Variants in COL23A1 observed in about 807,000 individuals in gnomAD.
COL23A1 encodes collagen alpha-1(XXIII) chain.
COL23A1 carries 97 observed loss-of-function variants against 99.3 expected under a neutral mutation model. The observed-to-expected ratio is 0.98, with a 90% CI of 0.83 to 1.16. The LOEUF is 1.16. Among genes scored for constraint, COL23A1 ranks in the 50% most tolerant of loss-of-function variants. The pLI, the probability that COL23A1 is intolerant of heterozygous loss-of-function variation, is 0.00. For synonymous variants in COL23A1, 320 were observed against 308.2 expected (o/e 1.04, Z -0.40); for missense variants, 762 against 757.4 (o/e 1.01, Z -0.07).
intron 2 of COL23A1, among the ~76,000 whole-genome samples, chr5:178,450,591 C>G (rs2127864146): frequency 6.6e-6 from 1 of 152,342 alleles, no homozygotes; most frequent in African/African-American, 2.4e-5. Flanking sequence ...ACAGATCTAT[C>G]TTGCTTCACT....
At chr5:178,397,261 G>A (rs570144553) in intron 2 of COL23A1, among the ~76,000 whole-genome samples, 188 of 152,336 alleles carry the variant, frequency 1.2e-3, no homozygotes, top group African/African-American at 4.4e-3. Context: ...GCAGAGCTGA[G>A]GGGGAGACAA....
chr5:178,455,579 G>C (rs887127707), intron 2 of COL23A1, among the ~76,000 whole-genome samples: 2 of 152,222 alleles, frequency 1.3e-5, no homozygotes, highest in Non-Finnish European at 2.9e-5. Context: ...GACCAAGCGA[G>C]AATCACGGGA....
At chr5:178,301,582 T>C (rs1279816578) in intron 3 of COL23A1, among the ~76,000 whole-genome samples, 1 of 152,234 alleles carries the variant, frequency 6.6e-6, no homozygotes, top group African/African-American at 2.4e-5. Flanking sequence ...CAGGATTTGT[T>C]GTTGTTGCTG....
At chr5:178,435,128 A>G (rs930727595) in intron 2 of COL23A1, among the ~76,000 whole-genome samples, 1 of 152,210 alleles carries the variant, frequency 6.6e-6, no homozygotes, top group African/African-American at 2.4e-5. Flanking sequence ...TTGGGGTCAC[A>G]GTGAAATTTC....
At chr5:178,346,213 TATTA>T (rs1210382541) in intron 2 of COL23A1, among the ~76,000 whole-genome samples, 1 of 152,092 alleles carries the variant, frequency 6.6e-6, no homozygotes, top group Admixed American at 6.5e-5. Flanking sequence ...TTTATTTATT[TATTA>T]TTTATTTATT....
In COL23A1 at chr5:178,498,235, T is replaced by TA. The variant is rs1562025562; in HGVS notation, c.361+62446dup. Among the ~76,000 whole-genome samples the TA allele has an allele frequency of 3.0e-4, 16 of 54,168 alleles. No homozygotes were observed. In the South Asian group the frequency reaches 0.011, roughly 38 times the overall value. 35.5% of individuals were successfully genotyped at this position (54,168 alleles called of 152,430 possible). The stretch of plus-strand genomic sequence containing the variant: ...ATATATATATATATATATATATATA[T>TA]ATATATATATATATATATATATAAA... On this transcript the variant is annotated intron_variant, in intron 2 of 28. Coordinates refer to ENST00000390654, the MANE Select transcript of COL23A1 (RefSeq NM_173465.4).
chr5:178,546,748 T>G (rs1019865651), intron 2 of COL23A1, among the ~76,000 whole-genome samples: 3 of 152,230 alleles, frequency 2.0e-5, no homozygotes, highest in African/African-American at 7.2e-5. Flanking sequence ...GGGCAGCTAT[T>G]TCTGTCCGTG....
At chr5:178,345,995 T>C (rs1760947672) in intron 2 of COL23A1, among the ~76,000 whole-genome samples, 1 of 152,156 alleles carries the variant, frequency 6.6e-6, no homozygotes, top group African/African-American at 2.4e-5. Flanking sequence ...AGGACTCATA[T>C]CTAAGATAGA....
chr5:178,531,377 C>T (rs2113209703), intron 2 of COL23A1, among the ~76,000 whole-genome samples: 1 of 152,318 alleles, frequency 6.6e-6, no homozygotes. Flanking sequence ...CTAGTGCTCT[C>T]CGCATGACCT....
intron 2 of COL23A1, among the ~76,000 whole-genome samples, chr5:178,373,979 G>A (rs1401128097): frequency 3.3e-5 from 5 of 152,240 alleles, no homozygotes; most frequent in African/African-American, 9.6e-5. Flanking sequence ...CAGCACCGGC[G>A]CCCGCACCCT....
intron 2 of COL23A1, among the ~76,000 whole-genome samples, chr5:178,519,825 A>G (rs2672830): frequency 0.88 from 134,397 of 152,266 alleles, 59,428 homozygotes; most frequent in East Asian, 0.95. Context: ...ATAGATGGAC[A>G]GATAGATGGA....
At chr5:178,448,825 C>A (rs1454932787) in intron 2 of COL23A1, among the ~76,000 whole-genome samples, 1 of 152,022 alleles carries the variant, frequency 6.6e-6, no homozygotes, top group African/African-American at 2.4e-5. Context: ...TAAACCTCAC[C>A]CCACGAGGAT....
intron 2 of COL23A1, among the ~76,000 whole-genome samples, chr5:178,370,694 C>G (rs1762752988): frequency 6.6e-6 from 1 of 152,110 alleles, no homozygotes; most frequent in East Asian, 1.9e-4. Flanking sequence ...CCCTATCTCT[C>G]TTGAAAAATA....
At chr5:178,332,704 G>A (rs1561869967) in intron 2 of COL23A1, among the ~76,000 whole-genome samples, 1 of 151,978 alleles carries the variant, frequency 6.6e-6, no homozygotes, top group Admixed American at 6.6e-5. Flanking sequence ...GTGGTTCCAA[G>A]TCACCTTTAT....
chr5:178,315,640 G>T (rs1338100601), intron 2 of COL23A1, among the ~76,000 whole-genome samples: 2 of 152,164 alleles, frequency 1.3e-5, no homozygotes, highest in Non-Finnish European at 2.9e-5. Flanking sequence ...GGCACGGGAA[G>T]GGGACAAGGG....
intron 1 of COL23A1, among the ~76,000 whole-genome samples, chr5:178,584,307 G>GCC (rs1009602678): frequency 9.0e-5 from 8 of 88,680 alleles, no homozygotes; most frequent in African/African-American, 4.1e-4. Context: ...ACTGCACCTG[G>GCC]CCACACACAC....
chr5:178,397,544 A>T (rs1764217789), intron 2 of COL23A1, among the ~76,000 whole-genome samples: 1 of 152,236 alleles, frequency 6.6e-6, no homozygotes, highest in Non-Finnish European at 1.5e-5. Context: ...GTTCACGGGC[A>T]TCCGCCCCCA....
chr5:178,409,547 T>C (rs946764515), intron 2 of COL23A1, among the ~76,000 whole-genome samples: 3 of 152,300 alleles, frequency 2.0e-5, no homozygotes, highest in South Asian at 2.1e-4. Context: ...CTGGTTTTGA[T>C]AGTGTACCAG....
At chr5:178,326,884 T>TG (rs1759705320) in intron 2 of COL23A1, among the ~76,000 whole-genome samples, 1 of 152,236 alleles carries the variant, frequency 6.6e-6, no homozygotes, top group Non-Finnish European at 1.5e-5. Context: ...CACGCCTGGC[T>TG]AATTTTCGTA....
Sources: allele counts gnomAD v4.1 joint callset (sites outside exome capture counted in the v4.1 genomes callset), GRCh38; gene constraint gnomAD v4.1.1; transcripts MANE v1.5; gene names NCBI Gene and HGNC (gene_info 2026-07-23, HGNC 2026-07-21).